GSE1: variants seen among roughly 807,000 people sequenced by gnomAD.
GSE1 encodes Gse1 coiled-coil protein.
GSE1 carries 32 observed loss-of-function variants against 112.6 expected under a neutral mutation model. That is an observed-to-expected ratio of 0.28 (90% confidence interval 0.21 to 0.38). The LOEUF is 0.38. Ranked by LOEUF, GSE1 falls within the 10% of genes least tolerant of loss-of-function variation. GSE1 has a pLI of 1.00. For synonymous variants in GSE1, 1,115 were observed against 735.6 expected, an observed-to-expected ratio of 1.52 and a Z score of -8.35; for missense variants, 2,348 against 1,699.2, an observed-to-expected ratio of 1.38 and a Z score of -6.71.
intron 1 of GSE1, among the ~76,000 whole-genome samples, chr16:85,562,313 C>G (rs1316116785): frequency 6.6e-6 from 1 of 152,228 alleles, no homozygotes; most frequent in Non-Finnish European, 1.5e-5. Flanking sequence ...CCCTTTTGTC[C>G]CAGCTGCAGC....
rs377640762 is a variant in GSE1, at chr16:85,193,808, T to C, written c.2283+22001T>C. ...AGATAATTGTAGATTGACCTGCAGTTGTGAGAAATAATGAAGAGCCAGTGT... is the reference window on the plus strand; with the variant it reads ...AGATAATTGTAGATTGACCTGCAGTCGTGAGAAATAATGAAGAGCCAGTGT... On this transcript the variant is annotated intron_variant, in intron 1 of 2. Transcript: ENST00000637419. Among the ~76,000 whole-genome samples the C allele has an allele frequency of 2.6e-5, 4 of 152,304 alleles. No individual in the cohort carries two copies. The South Asian group carries it at 8.3e-4, about 32-fold the overall frequency.
chr16:85,260,319 CTTTTTTTTTTTT>C (rs111292010), intron 1 of GSE1, among the ~76,000 whole-genome samples: 2 of 94,868 alleles, frequency 2.1e-5, no homozygotes, highest in African/African-American at 4.6e-5. Flanking sequence ...TTTTTCTTTT[CTTTTTTTTTTTT>C]TTTTTTTTTT....
At chr16:85,555,792 G>C (rs116364741), upstream of GSE1, 53 of 974,210 alleles carry the variant, frequency 5.4e-5, no homozygotes, top group Non-Finnish European at 6.1e-5. Flanking sequence ...CTACTCGCAC[G>C]TCCTGGGGGC....
chr16:85,465,470 G>C (rs1160971503), intron 2 of GSE1, among the ~76,000 whole-genome samples: 1 of 152,232 alleles, frequency 6.6e-6, no homozygotes, highest in African/African-American at 2.4e-5. Flanking sequence ...TCGTTCCATG[G>C]GGATGGCAGG....
At chr16:85,491,313 C>G (rs1389020904) in intron 2 of GSE1, among the ~76,000 whole-genome samples, 1 of 152,180 alleles carries the variant, frequency 6.6e-6, no homozygotes, top group African/African-American at 2.4e-5. Flanking sequence ...CTACCAGCAC[C>G]TGGGGTGCCC....
intron 1 of GSE1, among the ~76,000 whole-genome samples, chr16:85,301,557 G>A (rs2045527183): frequency 6.6e-6 from 1 of 152,282 alleles, no homozygotes; most frequent in South Asian, 2.1e-4. Flanking sequence ...TCCCGCCAAA[G>A]GAAAGTTGCT....
At chr16:85,652,605 GGA>G (rs1280461464) in intron 3 of GSE1, among the ~76,000 whole-genome samples, 8 of 152,206 alleles carry the variant, frequency 5.3e-5, no homozygotes, top group Non-Finnish European at 8.8e-5. Context: ...CCTGGAGGGT[GGA>G]GAGAGGGGAG....
chr16:85,585,169 G>A (rs947365567), intron 1 of GSE1, among the ~76,000 whole-genome samples: 1 of 152,254 alleles, frequency 6.6e-6, no homozygotes, highest in Admixed American at 6.5e-5. Flanking sequence ...AGGCCACAGA[G>A]GATGGGACAA....
chr16:85,485,159 G>C (rs971787772), intron 2 of GSE1, among the ~76,000 whole-genome samples: 1 of 152,242 alleles, frequency 6.6e-6, no homozygotes, highest in African/African-American at 2.4e-5. Flanking sequence ...CAGCGTTCAC[G>C]CCACCACACC....
At chr16:85,198,774 T>G (rs1338856010) in intron 1 of GSE1, among the ~76,000 whole-genome samples, 2 of 152,036 alleles carry the variant, frequency 1.3e-5, no homozygotes, top group Admixed American at 1.3e-4. Flanking sequence ...AGCTAGAGTG[T>G]GGGGTTCCTT....
At chr16:85,411,103 A>G (rs80287708) in intron 2 of GSE1, among the ~76,000 whole-genome samples, 3 of 92,492 alleles carry the variant, frequency 3.2e-5, no homozygotes, top group South Asian at 3.5e-4. Context: ...CCTCACTGTT[A>G]CACTCAGGCC....
chr16:85,211,582 C>T (rs2075226630), intron 1 of GSE1, among the ~76,000 whole-genome samples: 1 of 152,168 alleles, frequency 6.6e-6, no homozygotes, highest in Non-Finnish European at 1.5e-5. Flanking sequence ...CTGGAGGGGG[C>T]CCTGGCGTGC....
At chr16:85,489,605 C>G (rs28536644) in intron 2 of GSE1, among the ~76,000 whole-genome samples, 2,859 of 143,340 alleles carry the variant, frequency 0.02, 89 homozygotes, top group African/African-American at 0.067. Context: ...GTGCTTCATT[C>G]GTGAAGTTGC....
intron 1 of GSE1, among the ~76,000 whole-genome samples, chr16:85,563,640 C>T (rs1178238186): frequency 1.3e-5 from 2 of 152,240 alleles, no homozygotes; most frequent in Non-Finnish European, 2.9e-5. Flanking sequence ...GCAGCTCCAT[C>T]CTCTGCTCCC....
chr16:85,486,767 G>T (rs1329858929), intron 2 of GSE1, among the ~76,000 whole-genome samples: 1 of 152,160 alleles, frequency 6.6e-6, no homozygotes, highest in Non-Finnish European at 1.5e-5. Flanking sequence ...TGTTCTCGGG[G>T]GTTCCCCCAG....
At chr16:85,517,474 G>C (rs2051989226) in intron 2 of GSE1, among the ~76,000 whole-genome samples, 1 of 152,200 alleles carries the variant, frequency 6.6e-6, no homozygotes, top group Non-Finnish European at 1.5e-5. Context: ...TTGTGATGGG[G>C]TGAAGACACT....
intron 2 of GSE1, among the ~76,000 whole-genome samples, chr16:85,409,181 C>CA (rs1567746360): frequency 5.6e-5 from 2 of 35,812 alleles, no homozygotes; most frequent in Non-Finnish European, 1.0e-4. Flanking sequence ...CTCAGGCGCC[C>CA]CGGATAATCC....
intron 1 of GSE1, chr16:85,556,434 C>T: frequency 1.4e-6 from 1 of 696,564 alleles, no homozygotes; most frequent in Non-Finnish European, 1.8e-6. Flanking sequence ...TCACCCGACC[C>T]CCCTCCGCCA....
At chr16:85,645,720 C>T (rs1009778288) in intron 2 of GSE1, among the ~76,000 whole-genome samples, 1 of 152,104 alleles carries the variant, frequency 6.6e-6, no homozygotes, top group African/African-American at 2.4e-5. Context: ...GCCCCCGGAA[C>T]CAAGGCCAGG....
Sources: allele counts gnomAD v4.1 joint callset (sites outside exome capture counted in the v4.1 genomes callset), GRCh38; gene constraint gnomAD v4.1.1; transcripts MANE v1.5; gene names NCBI Gene and HGNC (gene_info 2026-07-23, HGNC 2026-07-21).